Variants in TMEM132B observed in about 807,000 individuals in gnomAD.
TMEM132B encodes transmembrane protein 132B.
In TMEM132B, 18 loss-of-function variants were observed where a neutral mutation model predicts 90.8. That is an observed-to-expected ratio of 0.20 (90% CI 0.14 to 0.29). TMEM132B has a LOEUF of 0.29. TMEM132B is among the 10% of genes least tolerant of loss of function. TMEM132B has a pLI of 1.00. For missense variants in TMEM132B, 1,096 were observed against 1,326.8 expected (o/e 0.83, Z 2.70); for synonymous variants, 504 against 523.3 (o/e 0.96, Z 0.50).
At chr12:125,394,105 C>T (rs972128049) in intron 2 of TMEM132B, among the ~76,000 whole-genome samples, 11 of 152,196 alleles carry the variant, frequency 7.2e-5, no homozygotes, top group African/African-American at 2.4e-4. Context: ...CCTGGAGCCA[C>T]AAGCCTAAAG....
chr12:125,349,560 A>C lies in TMEM132B; in HGVS notation c.176A>C (p.Lys59Thr). ...AATGCAGAGGAGTCCTTTTTCCTTA[A>C]AGAAGCCAACCAAGACCTCACAAGG... ...ISNAEESFFL[K>T]EANQDLTRNS... The change falls in exon 2 of 9, where the codon AAA becomes ACA. Residue 59 changes from lysine to threonine, a missense_variant. Transcript: ENST00000682704. This position sits in a 1 kb window ranked among gnomAD's most constrained non-coding sequence, Gnocchi z 4.1. 6.2e-7 allele frequency: 1 copy of C among 1,614,094 alleles called. No individual in the cohort carries two copies. Among genetic ancestry groups the C allele is most frequent in the South Asian group, 1.1e-5 (1 of 91,064 alleles).
intron 4 of TMEM132B, among the ~76,000 whole-genome samples, chr12:125,570,094 G>T (rs1401090679): frequency 6.6e-6 from 1 of 152,098 alleles, no homozygotes; most frequent in Non-Finnish European, 1.5e-5. Flanking sequence ...GGCTACGTTT[G>T]AGATCCTACT....
intron 5 of TMEM132B, among the ~76,000 whole-genome samples, chr12:125,611,210 A>G (rs1300740158): frequency 6.6e-6 from 1 of 152,032 alleles, no homozygotes; most frequent in Non-Finnish European, 1.5e-5. Flanking sequence ...ACATTTATCT[A>G]CAACTCGTTT....
chr12:125,635,662 T>C (rs1270245666), intron 5 of TMEM132B, among the ~76,000 whole-genome samples: 2 of 152,342 alleles, frequency 1.3e-5, no homozygotes, highest in African/African-American at 2.4e-5. Context: ...TACCCAGTAA[T>C]GGGATTGCTG....
At chr12:125,265,696 C>CA (rs141746855) in intron 1 of TMEM132B, among the ~76,000 whole-genome samples, 5,359 of 152,270 alleles carry the variant, frequency 0.035, 278 homozygotes, top group African/African-American at 0.12. Flanking sequence ...CACCATCCTT[C>CA]CTTCTACCAG....
chr12:125,510,816 T>A (rs1260194374), intron 3 of TMEM132B, among the ~76,000 whole-genome samples: 2 of 152,220 alleles, frequency 1.3e-5, no homozygotes, highest in Non-Finnish European at 2.9e-5. Flanking sequence ...TTATTGCATA[T>A]GTTTCTAATT....
intron 1 of TMEM132B, among the ~76,000 whole-genome samples, chr12:125,331,058 G>A (rs1358673201): frequency 2.0e-5 from 3 of 152,330 alleles, no homozygotes; most frequent in South Asian, 4.1e-4. Context: ...ATGCACCACC[G>A]GCTCCTCGTG....
intron 4 of TMEM132B, among the ~76,000 whole-genome samples, chr12:125,578,545 C>A (rs1334075011): frequency 6.6e-6 from 1 of 152,038 alleles, no homozygotes; most frequent in African/African-American, 2.4e-5. Context: ...GCTCTCTATA[C>A]CTTCATGTGT....
At chr12:125,466,743 G>A (rs1409406401) in intron 3 of TMEM132B, among the ~76,000 whole-genome samples, 1 of 152,186 alleles carries the variant, frequency 6.6e-6, no homozygotes, top group Admixed American at 6.5e-5. Context: ...GGCCTGTGCT[G>A]GGGCTCTGCC....
chr12:125,637,881 G>A (rs1054483253), intron 5 of TMEM132B, among the ~76,000 whole-genome samples: 5 of 152,308 alleles, frequency 3.3e-5, no homozygotes, highest in Middle Eastern at 3.4e-3. Flanking sequence ...CTGAAAAGAC[G>A]CATTAGGATC....
chr12:125,396,367 C>T (rs1879169639), intron 2 of TMEM132B, among the ~76,000 whole-genome samples: 1 of 152,142 alleles, frequency 6.6e-6, no homozygotes, highest in African/African-American at 2.4e-5. Flanking sequence ...AAGGGGACAG[C>T]ACTTGGACAC....
chr12:125,231,848 C>G (rs1287891931), intron 1 of TMEM132B, among the ~76,000 whole-genome samples: 2 of 151,726 alleles, frequency 1.3e-5, no homozygotes, highest in African/African-American at 4.8e-5. Context: ...AAAAACAGTT[C>G]AAATAGTAAA....
At position 125,492,274 on chromosome 12, in the gene TMEM132B, C is replaced by T. The variant is rs571196294; in HGVS notation, c.1107-27165C>T. On this transcript the variant is annotated intron_variant, in intron 3 of 8. Coordinates refer to ENST00000682704, the MANE Select transcript of TMEM132B (RefSeq NM_001366854.1). This position sits in a 1 kb window ranked among gnomAD's most constrained non-coding sequence, Gnocchi z 5.8. ...CCTGCCGTGGCAGCTCAGCCTTCCTCGTCTGTCTCTTGAAGTGACTGCTGC... is the reference window on the plus strand; with the variant it reads ...CCTGCCGTGGCAGCTCAGCCTTCCTTGTCTGTCTCTTGAAGTGACTGCTGC... Among the ~76,000 whole-genome samples the T allele has an allele frequency of 5.9e-5, 9 of 152,332 alleles. No homozygotes were observed. In the East Asian group the frequency reaches 9.6e-4, roughly 16 times the overall value.
intron 4 of TMEM132B, among the ~76,000 whole-genome samples, chr12:125,533,513 C>T (rs750386114): frequency 1.3e-5 from 2 of 152,234 alleles, no homozygotes; most frequent in African/African-American, 4.8e-5. Context: ...ATTGCAGAGC[C>T]CAGCAAGTCT....
At chr12:125,329,215 G>A (rs1309923118) in intron 1 of TMEM132B, among the ~76,000 whole-genome samples, 2 of 152,354 alleles carry the variant, frequency 1.3e-5, no homozygotes, top group Non-Finnish European at 1.5e-5. Flanking sequence ...TAAGGAAGAA[G>A]GCATGCACCA....
intron 3 of TMEM132B, among the ~76,000 whole-genome samples, chr12:125,489,451 C>T (rs1422049872): frequency 6.6e-6 from 1 of 151,670 alleles, no homozygotes; most frequent in Non-Finnish European, 1.5e-5. Context: ...CTCTTTTGCC[C>T]AGGTTGGAAT....
chr12:125,235,456 TA>T (rs1179491639), intron 1 of TMEM132B, among the ~76,000 whole-genome samples: 1 of 151,574 alleles, frequency 6.6e-6, no homozygotes, highest in African/African-American at 2.4e-5. Context: ...TTTTTTTTTT[TA>T]AGCTGAGGTG....
intron 5 of TMEM132B, among the ~76,000 whole-genome samples, chr12:125,637,765 A>G (rs999791746): frequency 2.0e-5 from 3 of 152,364 alleles, no homozygotes; most frequent in African/African-American, 7.2e-5. Flanking sequence ...TAAAGAGTGC[A>G]TGTTGTGATT....
chr12:125,478,806 T>C (rs1487628840), intron 3 of TMEM132B, among the ~76,000 whole-genome samples: 2 of 152,050 alleles, frequency 1.3e-5, no homozygotes, highest in South Asian at 2.1e-4. Flanking sequence ...AGACACATAA[T>C]TGTCAGATTC....
Sources: gnomAD v4.1 joint callset for allele counts (sites outside exome capture counted in the v4.1 genomes callset) on GRCh38, gnomAD v4.1.1 for gene constraint, Gnocchi (gnomAD v3.1) non-coding constraint, MANE v1.5 for transcripts, NCBI Gene and HGNC (gene_info 2026-07-23, HGNC 2026-07-21) for gene names.